The following FBLN1 variants were observed in gnomAD, a reference collection of about 807,000 sequenced individuals.
FBLN1 encodes fibulin-1.
FBLN1 carries 34 observed loss-of-function variants against 89.7 expected under a neutral mutation model. That is an observed-to-expected ratio of 0.38 (90% confidence interval 0.29 to 0.50). The LOEUF (loss-of-function observed/expected upper bound fraction) is 0.50. FBLN1 is among the 20% of genes least tolerant of loss of function. The pLI, the probability that FBLN1 is intolerant of heterozygous loss-of-function variation, is 0.92. For synonymous variants in FBLN1, 393 were observed against 391.3 expected, an observed-to-expected ratio of 1.00 and a Z score of -0.05; for missense variants, 777 against 988.1, an observed-to-expected ratio of 0.79 and a Z score of 2.86.
intron 8 of FBLN1, among the ~76,000 whole-genome samples, chr22:45,538,464 T>TA (rs2088511488): frequency 6.6e-6 from 1 of 152,272 alleles, no homozygotes; most frequent in Admixed American, 6.5e-5. Flanking sequence ...TTTGTTTTTT[T>TA]ATGAAAATGG....
At chr22:45,522,223 G>C (rs1174264935) in intron 2 of FBLN1, among the ~76,000 whole-genome samples, 1 of 152,196 alleles carries the variant, frequency 6.6e-6, no homozygotes. Context: ...CTGGCTTCAA[G>C]TGATTGGACG....
intron 1 of FBLN1, among the ~76,000 whole-genome samples, chr22:45,511,654 CCAGGCTGGT>C (rs2088102766): frequency 6.6e-6 from 1 of 151,728 alleles, no homozygotes; most frequent in East Asian, 1.9e-4. Flanking sequence ...ACCATGTTGG[CCAGGCTGGT>C]CTCGAACTCC....
Position 45,577,353 on chromosome 22 carries a change from G to T in FBLN1, c.1972+245G>T, listed in dbSNP as rs982822442. On this transcript the variant is annotated intron_variant, in intron 16 of 16. Transcript: ENST00000327858. The surrounding 1 kb of genome is among the most constrained non-coding windows in gnomAD (Gnocchi z 6.6). ...ACCCACTCTCTGGGTGACCCCTCTG[G>T]GTCTCGGTCTCCCTGCCTATAACAT... 6.6e-6 allele frequency among the ~76,000 whole-genome samples: 1 copy of T among 152,164 alleles called. No individual in the cohort carries two copies. Among genetic ancestry groups the T allele is most frequent in the Admixed American group, 6.5e-5 (1 of 15,276 alleles).
intron 14 of FBLN1, among the ~76,000 whole-genome samples, chr22:45,569,278 C>T (rs201080140): frequency 2.0e-5 from 3 of 152,118 alleles, no homozygotes; most frequent in South Asian, 2.1e-4. Context: ...TCACATTCAA[C>T]GAGGTAATTA....
Position 45,531,282 on chromosome 22 carries a change from G to A in FBLN1, c.502G>A (p.Glu168Lys). The A allele has an allele frequency of 1.9e-6, 3 of 1,614,074 alleles. No individual in the cohort carries two copies. The highest frequency in any genetic ancestry group is 2.5e-6 in the Non-Finnish European group (3 of 1,179,940). Reference sequence around the variant, plus strand: ...CCCCTTAGATAAGATCATTGAGGTTGAGGAGGAACAAGAGGACCCATATCT... The same window carrying A: ...CCCCTTAGATAAGATCATTGAGGTTAAGGAGGAACAAGAGGACCCATATCT... ...LQETDKIIEV[E>K]EEQEDPYLND... is the part of the protein sequence containing the mutation. Residue 168 changes from glutamate (E) to lysine (K), a missense_variant, in exon 5 of 17, where the codon GAG (glutamate) becomes AAG (lysine). By Grantham distance (56) the Glu-to-Lys change is moderately conservative. Transcript: ENST00000327858. The surrounding 1 kb of genome is among the most constrained non-coding windows in gnomAD (Gnocchi z 4.9).
intron 14 of FBLN1, among the ~76,000 whole-genome samples, chr22:45,564,274 C>T (rs1602212826): frequency 6.6e-6 from 1 of 152,366 alleles, no homozygotes; most frequent in East Asian, 1.9e-4. Flanking sequence ...GTCCATTCAC[C>T]TCCCCTACAG....
chr22:45,512,683 G>A (rs1465187921), intron 1 of FBLN1, among the ~76,000 whole-genome samples: 1 of 152,210 alleles, frequency 6.6e-6, no homozygotes, highest in Non-Finnish European at 1.5e-5. Context: ...CTGGACCCCA[G>A]GCCCTTCCCC....
intron 14 of FBLN1, among the ~76,000 whole-genome samples, chr22:45,560,977 G>A (rs1343401077): frequency 1.3e-5 from 2 of 152,146 alleles, no homozygotes; most frequent in African/African-American, 2.4e-5. Context: ...CTGATGGGTC[G>A]GGGCGGGGAT....
Position 45,588,161 on chromosome 22 carries a change from C to T in FBLN1, c.1972+11053C>T, listed in dbSNP as rs529335496. Among the ~76,000 whole-genome samples the T allele has an allele frequency of 1.8e-4, 27 of 152,196 alleles. No homozygotes were observed. In the South Asian group the frequency reaches 5.2e-3, roughly 29 times the overall value. On this transcript the variant is annotated intron_variant, in intron 16 of 16. Coordinates refer to ENST00000327858, the MANE Select transcript of FBLN1 (RefSeq NM_006486.3). The surrounding 1 kb of genome is among the most constrained non-coding windows in gnomAD (Gnocchi z 5.1). Reference sequence around the variant, plus strand: ...GAGTGGGAGGCGGGGTGCAGCATGGCGGTACAGCTTTAAATCTGGTGGTCA... The same window carrying T: ...GAGTGGGAGGCGGGGTGCAGCATGGTGGTACAGCTTTAAATCTGGTGGTCA...
At chr22:45,523,133 G>A (rs748670112) in intron 2 of FBLN1, 12 of 778,538 alleles carry the variant, frequency 1.5e-5, no homozygotes, top group Admixed American at 8.5e-5. Flanking sequence ...TGAATGGGGC[G>A]TGGGCAGTAT....
chr22:45,547,357 G>A (rs1224488715), intron 12 of FBLN1, among the ~76,000 whole-genome samples, 153 bp downstream of exon 12: 1 of 151,434 alleles, frequency 6.6e-6, no homozygotes, highest in Non-Finnish European at 1.5e-5. Flanking sequence ...GAGGCAAGCG[G>A]GTGGTTTGCT....
intron 16 of FBLN1, among the ~76,000 whole-genome samples, chr22:45,593,339 G>C (rs1170065118): frequency 1.3e-5 from 2 of 152,072 alleles, no homozygotes; most frequent in African/African-American, 4.8e-5. Flanking sequence ...CAGGATCCTG[G>C]ATCCCCAGCA....
intron 16 of FBLN1, among the ~76,000 whole-genome samples, chr22:45,595,293 G>C (rs571574323): frequency 6.6e-5 from 10 of 152,154 alleles, no homozygotes; most frequent in Non-Finnish European, 1.2e-4. Flanking sequence ...ATAGAGAAGC[G>C]GATTTGGAAG....
intron 7 of FBLN1, 87 bp downstream of exon 7, chr22:45,533,985 C>T: frequency 6.3e-7 from 1 of 1,578,360 alleles, no homozygotes. Flanking sequence ...GTCTGGGCTC[C>T]CGCAGTCCTG....
intron 14 of FBLN1, among the ~76,000 whole-genome samples, chr22:45,555,541 G>A (rs375775716): frequency 4.5e-4 from 68 of 152,180 alleles, no homozygotes; most frequent in African/African-American, 1.4e-3. Context: ...TGCTGTAGCC[G>A]TGCTGGCAGC....
chr22:45,573,951 G>C (rs907817411), intron 14 of FBLN1, among the ~76,000 whole-genome samples: 10 of 148,630 alleles, frequency 6.7e-5, no homozygotes, highest in African/African-American at 2.5e-4. Flanking sequence ...ACAGTACCTG[G>C]AACCCAGACC....
Position 45,580,057 on chromosome 22 carries a change from G to A in FBLN1, c.1972+2949G>A, listed in dbSNP as rs1230598880. 2.0e-5 allele frequency among the ~76,000 whole-genome samples: 3 copies of A among 152,114 alleles called. No individual in the cohort carries two copies. Among genetic ancestry groups the A allele is most frequent in the South Asian group, 2.1e-4 (1 of 4,832 alleles). The stretch of plus-strand genomic sequence containing the variant: ...AGTCCTCACAGACACTGCCAGCGAC[G>A]GGTCATGATTGTCTCCCTTGGGCAA... On this transcript the variant is annotated intron_variant, in intron 16 of 16. Transcript: ENST00000327858. This position sits in a 1 kb window ranked among gnomAD's most constrained non-coding sequence, Gnocchi z 8.6.
At chr22:45,554,967 A>G (rs1326910184) in intron 14 of FBLN1, among the ~76,000 whole-genome samples, 1 of 145,406 alleles carries the variant, frequency 6.9e-6, no homozygotes, top group East Asian at 1.9e-4. Flanking sequence ...CTCATCCTAT[A>G]CAGGAAGTTA....
chr22:45,594,732 A>ATGGATG (rs1569269732), intron 16 of FBLN1, among the ~76,000 whole-genome samples: 32 of 108,544 alleles, frequency 2.9e-4, no homozygotes, highest in African/African-American at 1.3e-3. Flanking sequence ...ATGGATGGAT[A>ATGGATG]GATGGATGGG....
Sources: allele counts gnomAD v4.1 joint callset (sites outside exome capture counted in the v4.1 genomes callset), GRCh38; gene constraint gnomAD v4.1.1; non-coding constraint Gnocchi (gnomAD v3.1); transcripts MANE v1.5; gene names NCBI Gene and HGNC (gene_info 2026-07-23, HGNC 2026-07-21).